Variants in PLXNA4 observed in about 807,000 individuals in gnomAD.
PLXNA4 encodes the protein plexin-A4.
A neutral mutation model predicts 191.8 loss-of-function variants in PLXNA4; 44 were observed. The observed-to-expected ratio is 0.23, with a 90% CI of 0.18 to 0.29. PLXNA4 has a LOEUF of 0.29. Among genes scored for constraint, PLXNA4 ranks in the 10% least tolerant of loss-of-function variants. The probability of loss-of-function intolerance (pLI) is 1.00; values close to 1 mark genes in which losing one functional copy is unlikely to be tolerated. For missense variants in PLXNA4, 1,800 were observed against 2,488.8 expected, an observed-to-expected ratio of 0.72 and a Z score of 5.89; for synonymous variants, 1,082 against 1,009.5, an observed-to-expected ratio of 1.07 and a Z score of -1.36.
intron 3 of PLXNA4, among the ~76,000 whole-genome samples, chr7:132,487,732 C>T (rs1019361319): frequency 2.0e-5 from 3 of 152,042 alleles, no homozygotes; most frequent in South Asian, 2.1e-4. Context: ...GAGGAAGACC[C>T]GGGAAGGCAG....
chr7:132,563,836 C>T (rs2116704125), intron 1 of PLXNA4, among the ~76,000 whole-genome samples: 1 of 82,802 alleles, frequency 1.2e-5, no homozygotes, highest in East Asian at 4.5e-4. Context: ...CCTTCTCCTC[C>T]TCCTCCTTCT....
At chr7:132,146,362 G>A (rs1795433987) in intron 28 of PLXNA4, 148 bp downstream of exon 28, 2 of 1,301,522 alleles carry the variant, frequency 1.5e-6, no homozygotes, top group African/African-American at 1.5e-5. Context: ...TTCGGTACGG[G>A]GAATGGTCAG....
intron 2 of PLXNA4, among the ~76,000 whole-genome samples, chr7:132,603,787 G>C (rs1802865116): frequency 6.6e-6 from 1 of 152,154 alleles, no homozygotes; most frequent in Admixed American, 6.5e-5. Flanking sequence ...TTTCTTCCTT[G>C]AGTATGGTTT....
chr7:132,527,544 A>AG (rs1020953935), intron 1 of PLXNA4, among the ~76,000 whole-genome samples: 8 of 148,844 alleles, frequency 5.4e-5, no homozygotes, highest in African/African-American at 2.0e-4. Flanking sequence ...AGACTCAAAA[A>AG]AAAAAAAAAA....
intron 1 of PLXNA4, among the ~76,000 whole-genome samples, chr7:132,559,640 G>A (rs1284172549): frequency 6.6e-6 from 1 of 152,186 alleles, no homozygotes; most frequent in Admixed American, 6.5e-5. Flanking sequence ...TCTCTCTCTA[G>A]CACTCTGCTC....
intron 3 of PLXNA4, among the ~76,000 whole-genome samples, chr7:132,368,767 G>A (rs1804301634): frequency 6.6e-6 from 1 of 152,152 alleles, no homozygotes; most frequent in Non-Finnish European, 1.5e-5. Context: ...CGCCCTGAAG[G>A]AAGACAGCCC....
At chr7:132,169,648 T>A (rs533740411) in intron 21 of PLXNA4, among the ~76,000 whole-genome samples, 17 of 152,102 alleles carry the variant, frequency 1.1e-4, no homozygotes, top group Admixed American at 8.5e-4. Context: ...GCAGATAAAA[T>A]TAATCAATGG....
intron 26 of PLXNA4, among the ~76,000 whole-genome samples, 167 bp from the exon 27 acceptor site, chr7:132,148,166 C>A (rs1562883181): frequency 6.6e-6 from 1 of 152,182 alleles, no homozygotes; most frequent in African/African-American, 2.4e-5. Flanking sequence ...AGACACAGAT[C>A]TGGATACTGA....
At chr7:132,209,783 A>G (rs1202432895) in intron 10 of PLXNA4, among the ~76,000 whole-genome samples, 3 of 152,176 alleles carry the variant, frequency 2.0e-5, no homozygotes, top group African/African-American at 7.2e-5. Flanking sequence ...GACATTGCAC[A>G]TAAGTGCCCA....
chr7:132,596,865 G>GAA (rs3067229), intron 2 of PLXNA4, among the ~76,000 whole-genome samples: 99,168 of 144,516 alleles, frequency 0.69, 35,125 homozygotes, highest in South Asian at 0.83. Flanking sequence ...CCATGGTCCT[G>GAA]AAAAAAAAAA....
chr7:132,549,648 T>G (rs1800469795), intron 1 of PLXNA4, among the ~76,000 whole-genome samples: 1 of 152,134 alleles, frequency 6.6e-6, no homozygotes, highest in Non-Finnish European at 1.5e-5. Flanking sequence ...CCTGAGTCAT[T>G]ACCCTCCTTA....
intron 3 of PLXNA4, among the ~76,000 whole-genome samples, chr7:132,357,351 C>A (rs1022596944): frequency 1.3e-5 from 2 of 152,166 alleles, no homozygotes; most frequent in African/African-American, 4.8e-5. Context: ...ATCCTTCTTG[C>A]CTTCCTAATC....
chr7:132,471,430 T>C (rs1239101067), intron 3 of PLXNA4, among the ~76,000 whole-genome samples: 2 of 152,218 alleles, frequency 1.3e-5, no homozygotes, highest in African/African-American at 4.8e-5. Flanking sequence ...TGCCCGTTCC[T>C]GGTGAGGTGC....
chr7:132,364,677 T>A (rs1804083865), intron 3 of PLXNA4, among the ~76,000 whole-genome samples: 1 of 152,156 alleles, frequency 6.6e-6, no homozygotes. Context: ...TCACCAAACA[T>A]ACCCATTCCG....
At chr7:132,592,434 C>T (rs780120578) in intron 2 of PLXNA4, among the ~76,000 whole-genome samples, 20 of 152,120 alleles carry the variant, frequency 1.3e-4, no homozygotes, top group Non-Finnish European at 2.8e-4. Context: ...GATAAAACCT[C>T]CTTCATAAAT....
intron 2 of PLXNA4, among the ~76,000 whole-genome samples, chr7:132,493,687 ATGGATGGATGGATAGG>A (rs1159408405): frequency 6.6e-6 from 1 of 151,780 alleles, no homozygotes; most frequent in Non-Finnish European, 1.5e-5. Context: ...GGATGGATAG[ATGGATGGATGGATAGG>A]TGGATGGATG....
chr7:132,639,283 A>C (rs1265029900), intron 2 of PLXNA4, among the ~76,000 whole-genome samples: 2 of 152,106 alleles, frequency 1.3e-5, no homozygotes, highest in African/African-American at 4.8e-5. Flanking sequence ...TAATTTTTCT[A>C]TAGCAGGGTA....
At chr7:132,233,259 C>CT (rs1295002212) in intron 5 of PLXNA4, among the ~76,000 whole-genome samples, 2 of 152,278 alleles carry the variant, frequency 1.3e-5, no homozygotes, top group African/African-American at 4.8e-5. Flanking sequence ...ATTCATTATC[C>CT]TTGTCCTCCT....
intron 3 of PLXNA4, among the ~76,000 whole-genome samples, chr7:132,363,372 C>A (rs932850400): frequency 6.6e-6 from 1 of 152,204 alleles, no homozygotes; most frequent in Non-Finnish European, 1.5e-5. Flanking sequence ...CCTCTGGCTA[C>A]CATCATTATG....
Sources: gnomAD v4.1 joint callset for allele counts (sites outside exome capture counted in the v4.1 genomes callset) on GRCh38, gnomAD v4.1.1 for gene constraint, MANE v1.5 for transcripts, NCBI Gene and HGNC (gene_info 2026-07-23, HGNC 2026-07-21) for gene names.